LUC7L2: variants seen among roughly 807,000 people sequenced by gnomAD.
LUC7L2 encodes the protein LUC7 like 2, pre-mRNA splicing factor, also known as putative RNA-binding protein Luc7-like 2.
A neutral mutation model predicts 52.8 loss-of-function variants in LUC7L2; 25 were observed. The ratio of observed to expected loss-of-function variants is 0.47; its 90% CI spans 0.34 to 0.66. The LOEUF (loss-of-function observed/expected upper bound fraction) is 0.66, where lower values mean the gene tolerates loss of function less well. Among genes scored for constraint, LUC7L2 ranks in the 30% least tolerant of loss-of-function variants. LUC7L2 has a pLI of 0.01. For synonymous variants in LUC7L2, 144 were observed against 160.9 expected, an observed-to-expected ratio of 0.89 and a Z score of 0.80; for missense variants, 328 against 497.8, an observed-to-expected ratio of 0.66 and a Z score of 3.25.
chr7:139,411,286 A>G (rs1795350111), intron 7 of LUC7L2, among the ~76,000 whole-genome samples: 1 of 152,248 alleles, frequency 6.6e-6, no homozygotes. Flanking sequence ...GTGAGCTTAA[A>G]GAAATATGGA....
intron 9 of LUC7L2, among the ~76,000 whole-genome samples, chr7:139,420,100 G>A (rs746822432): frequency 1.6e-4 from 24 of 152,144 alleles, no homozygotes; most frequent in African/African-American, 2.2e-4. Flanking sequence ...AGTGCCCTGC[G>A]TAAATGAGGA....
chr7:139,362,811 C>A (rs191576478), intron 1 of LUC7L2, among the ~76,000 whole-genome samples: 1 of 151,940 alleles, frequency 6.6e-6, no homozygotes, highest in Admixed American at 6.6e-5. Flanking sequence ...CTTCCCCCTC[C>A]CCTTCCTGAC....
chr7:139,381,376 TTTTA>T (rs1265558013), intron 2 of LUC7L2, among the ~76,000 whole-genome samples: 9 of 82,306 alleles, frequency 1.1e-4, no homozygotes, highest in African/African-American at 7.6e-4. Flanking sequence ...TTTATTTTAT[TTTTA>T]TTTTATTTTT....
chr7:139,401,185 A>G lies in LUC7L2; in HGVS notation c.256-952A>G, dbSNP rs146798537. ...AATGGTTTATTCTCTGAAAAAAGAT[A>G]AGTTTTCCTGATGTGCGAGACTCTT... On this transcript the variant is annotated intron_variant, in intron 3 of 9. Transcript: ENST00000354926. 1.2e-3 allele frequency among the ~76,000 whole-genome samples: 180 copies of G among 151,952 alleles called. 1 individual carries two copies. The East Asian group carries it at 0.031, about 26-fold the overall frequency.
chr7:139,402,393 A>T, intron 4 of LUC7L2, 146 bp downstream of exon 4: 1 of 726,688 alleles, frequency 1.4e-6, no homozygotes, highest in Non-Finnish European at 2.1e-6. Context: ...CCCAGTGTAA[A>T]CATCTTATAC....
intron 4 of LUC7L2, among the ~76,000 whole-genome samples, chr7:139,404,922 A>T (rs1795054546): frequency 6.6e-6 from 1 of 152,266 alleles, no homozygotes; most frequent in Non-Finnish European, 1.5e-5. Flanking sequence ...GTCAGATCTG[A>T]TGGATTCCTG....
upstream of LUC7L2, among the ~76,000 whole-genome samples, chr7:139,358,695 A>AT (rs968652904): frequency 3.8e-4 from 56 of 149,206 alleles, no homozygotes; most frequent in African/African-American, 7.1e-4. Context: ...TACTTAAGGA[A>AT]TTTTTTTTTT....
intron 1 of LUC7L2, among the ~76,000 whole-genome samples, chr7:139,368,597 A>ATG (rs1156555719): frequency 6.6e-6 from 1 of 151,968 alleles, no homozygotes; most frequent in Non-Finnish European, 1.5e-5. Flanking sequence ...AATTAGCCAG[A>ATG]TGTGGTGGTG....
chr7:139,416,033 G>T (rs1585136000), intron 8 of LUC7L2: 1 of 77,754 alleles, frequency 1.3e-5, no homozygotes, highest in African/African-American at 5.2e-5. Flanking sequence ...GTTTTATTGA[G>T]GTATAAAATA....
upstream of LUC7L2, among the ~76,000 whole-genome samples, chr7:139,356,635 G>C (rs982046793): frequency 5.4e-5 from 8 of 149,430 alleles, no homozygotes; most frequent in African/African-American, 2.0e-4. Context: ...AAAAAAGTCA[G>C]ATAGTAAATA....
At chr7:139,368,857 A>G (rs1208629561) in intron 1 of LUC7L2, among the ~76,000 whole-genome samples, 2 of 151,912 alleles carry the variant, frequency 1.3e-5, no homozygotes, top group African/African-American at 4.8e-5. Flanking sequence ...TTGCATATTC[A>G]CTGTGAGGCA....
At chr7:139,364,776 G>A (rs1214413190) in intron 1 of LUC7L2, among the ~76,000 whole-genome samples, 2 of 152,094 alleles carry the variant, frequency 1.3e-5, no homozygotes, top group African/African-American at 4.8e-5. Context: ...GTTCTTTAAT[G>A]GATTTTATTT....
In LUC7L2 at chr7:139,360,285, C is replaced by G. The variant is rs1426353303; in HGVS notation, c.24C>G (p.Arg8=). ...CCATGTCGGCGCAGGCCCAGATGCGCGCGATGCTGGACCAGTTGATGGGCA... is the reference window on the plus strand; with the variant it reads ...CCATGTCGGCGCAGGCCCAGATGCGGGCGATGCTGGACCAGTTGATGGGCA... MSAQAQM[R]AMLDQLMGTS... is the part of the protein sequence containing the mutation. Residue 8 remains arginine (R), a synonymous_variant, in exon 1 of 10, where the codon CGC becomes CGG. Transcript: ENST00000354926. 1 of 1,570,194 alleles carries G rather than the reference C, an allele frequency of 6.4e-7. No homozygotes were observed. The highest frequency in any genetic ancestry group is 8.6e-7 in the Non-Finnish European group (1 of 1,158,942).
chr7:139,360,122 G>T lies in LUC7L2; in HGVS notation c.-140G>T, dbSNP rs1368012260. On this transcript the variant is annotated 5_prime_UTR_variant, in exon 1 of 10. Coordinates refer to ENST00000354926, the MANE Select transcript of LUC7L2 (RefSeq NM_016019.5). ...CCGGACTCTTCCCGCAACCCCTCCG[G>T]CTCCCTTTCCGCACGCCTCGAGGCG... The T allele has an allele frequency of 3.8e-5, 23 of 608,770 alleles. No homozygotes were observed. The highest frequency in any genetic ancestry group is 4.8e-5 in the Non-Finnish European group (17 of 351,068). 37.7% of individuals were successfully genotyped at this position (608,770 alleles called of 1,614,324 possible).
chr7:139,349,143 G>A (rs1366317830), intron 1 of LUC7L2, among the ~76,000 whole-genome samples: 1 of 152,234 alleles, frequency 6.6e-6, no homozygotes, highest in Non-Finnish European at 1.5e-5. Flanking sequence ...AACAGAGCAA[G>A]ACTGTGTCTC....
chr7:139,363,768 CTG>C (rs751116076), intron 1 of LUC7L2, among the ~76,000 whole-genome samples: 3 of 152,060 alleles, frequency 2.0e-5, no homozygotes, highest in South Asian at 2.1e-4. Flanking sequence ...TGAGAATTGT[CTG>C]TGTGACAGTT....
intron 1 of LUC7L2, among the ~76,000 whole-genome samples, chr7:139,363,976 CTTTTTTTTTTT>C (rs1169793101): frequency 4.2e-5 from 4 of 96,080 alleles, no homozygotes; most frequent in African/African-American, 1.7e-4. Context: ...AGATTACATC[CTTTTTTTTTTT>C]TTTTTTTTTT....
At chr7:139,380,283 C>T (rs1315084745) in intron 2 of LUC7L2, among the ~76,000 whole-genome samples, 1 of 152,124 alleles carries the variant, frequency 6.6e-6, no homozygotes, top group East Asian at 1.9e-4. Flanking sequence ...TTCTTTATCT[C>T]AGAAAGTTAC....
At chr7:139,354,836 A>G (rs1198204158) in intron 1 of LUC7L2, among the ~76,000 whole-genome samples, 1 of 119,098 alleles carries the variant, frequency 8.4e-6, no homozygotes. Context: ...TTGGAAGTAA[A>G]TAAAACAAAA....
Sources: gnomAD v4.1 joint callset for allele counts (sites outside exome capture counted in the v4.1 genomes callset) on GRCh38, gnomAD v4.1.1 for gene constraint, MANE v1.5 for transcripts, NCBI Gene and HGNC (gene_info 2026-07-23, HGNC 2026-07-21) for gene names.